Variants in PTPRD observed in about 807,000 individuals in gnomAD.
The protein encoded by PTPRD is protein tyrosine phosphatase receptor type D.
In PTPRD, 34 loss-of-function variants were observed where a neutral mutation model predicts 214.5. That is an observed-to-expected ratio of 0.16 (90% CI 0.12 to 0.21). The LOEUF is 0.21. Ranked by LOEUF, PTPRD falls within the 10% of genes least tolerant of loss-of-function variation. PTPRD has a pLI of 1.00. For synonymous variants in PTPRD, 1,128 were observed against 845.7 expected (o/e 1.33, Z -5.79); for missense variants, 2,545 against 2,398.7 (o/e 1.06, Z -1.27).
At chr9:8,878,310 C>A (rs1013203671) in intron 11 of PTPRD, among the ~76,000 whole-genome samples, 1 of 152,054 alleles carries the variant, frequency 6.6e-6, no homozygotes, top group Non-Finnish European at 1.5e-5. Flanking sequence ...AATAAAATGA[C>A]TACTGTACCC....
intron 5 of PTPRD, among the ~76,000 whole-genome samples, chr9:9,780,124 G>T (rs1328576050): frequency 6.6e-6 from 1 of 152,184 alleles, no homozygotes; most frequent in Non-Finnish European, 1.5e-5. Flanking sequence ...TATGGATGGA[G>T]CTGGAGACCA....
At chr9:9,627,448 G>A (rs2095458020) in intron 7 of PTPRD, among the ~76,000 whole-genome samples, 1 of 152,170 alleles carries the variant, frequency 6.6e-6, no homozygotes. Flanking sequence ...AGAGATCAAT[G>A]AATCAATTTG....
chr9:9,190,808 TAAGTCACAAAG>T (rs1411362057), intron 9 of PTPRD, among the ~76,000 whole-genome samples: 1 of 152,132 alleles, frequency 6.6e-6, no homozygotes, highest in African/African-American at 2.4e-5. Context: ...TATGTTATTC[TAAGTCACAAAG>T]ATTTTAGAGT....
In PTPRD at chr9:8,974,580, C is replaced by T. The variant is rs2099257461; in HGVS notation, c.-104+44117G>A. On this transcript the variant is annotated intron_variant, in intron 11 of 45. Transcript: ENST00000381196. The stretch of plus-strand genomic sequence containing the variant: ...GCTATTTTCAGGATGGCATCTGTTG[C>T]CATCAGTAGAGGAATGGCCATTTCC... Among the ~76,000 whole-genome samples the T allele has an allele frequency of 2.0e-5, 3 of 151,908 alleles. No homozygotes were observed. In the South Asian group the frequency reaches 6.2e-4, roughly 32 times the overall value.
chr9:10,365,201 A>G (rs993511074), intron 2 of PTPRD, among the ~76,000 whole-genome samples: 23 of 152,306 alleles, frequency 1.5e-4, no homozygotes, highest in Admixed American at 4.6e-4. Context: ...CTCCTCAGAC[A>G]GGCTTTTTAA....
chr9:9,940,767 T>C (rs2091233013), intron 4 of PTPRD, among the ~76,000 whole-genome samples: 2 of 152,204 alleles, frequency 1.3e-5, no homozygotes, highest in African/African-American at 4.8e-5. Context: ...TTCTGCACTT[T>C]CGTAAGGGTT....
intron 4 of PTPRD, among the ~76,000 whole-genome samples, chr9:9,970,332 C>A (rs1392976412): frequency 6.6e-6 from 1 of 151,022 alleles, no homozygotes; most frequent in Non-Finnish European, 1.5e-5. Flanking sequence ...CACCTGTAGT[C>A]CCAGCTACTC....
At chr9:8,719,165 C>T (rs1047389352) in intron 12 of PTPRD, among the ~76,000 whole-genome samples, 2 of 152,130 alleles carry the variant, frequency 1.3e-5, no homozygotes, top group African/African-American at 4.8e-5. Flanking sequence ...GTCAGGCACA[C>T]CGTGCAATGA....
rs559535751 is a variant in PTPRD at position 9,097,924 on chromosome 9, G to A, written c.-142-79189C>T. Among the ~76,000 whole-genome samples, 74 of 152,164 alleles carry A rather than the reference G, an allele frequency of 4.9e-4. No homozygotes were observed. The Middle Eastern group carries it at 0.014, about 28-fold the overall frequency. ...CAATAAAGATGTTTCCCTTTGGCTC[G>A]TCTGGCAGGCATGCTTGCTGACCAT... On this transcript the variant is annotated intron_variant, in intron 10 of 45. Transcript: ENST00000381196.
chr9:8,318,123 G>C (rs554838202), intron 45 of PTPRD, among the ~76,000 whole-genome samples, 181 bp from the exon 46 acceptor site: 9 of 152,094 alleles, frequency 5.9e-5, no homozygotes, highest in Middle Eastern at 3.4e-3. Context: ...AAGCCACATG[G>C]GGTGTTGATT....
chr9:9,525,297 A>C (rs1440124510), intron 8 of PTPRD, among the ~76,000 whole-genome samples: 1 of 152,190 alleles, frequency 6.6e-6, no homozygotes, highest in Non-Finnish European at 1.5e-5. Flanking sequence ...TATTCTTGCC[A>C]CTAATCACAA....
chr9:8,495,413 C>T (rs902589742), intron 26 of PTPRD, among the ~76,000 whole-genome samples: 1 of 152,182 alleles, frequency 6.6e-6, no homozygotes, highest in African/African-American at 2.4e-5. Flanking sequence ...ATTTTTATCA[C>T]TTCATGACTA....
chr9:9,101,131 A>G (rs948466244), intron 10 of PTPRD, among the ~76,000 whole-genome samples: 3 of 151,976 alleles, frequency 2.0e-5, no homozygotes, highest in African/African-American at 7.2e-5. Flanking sequence ...AGAGCAGGAG[A>G]CCAGAAGCTT....
intron 11 of PTPRD, among the ~76,000 whole-genome samples, chr9:8,846,550 G>A (rs1394848522): frequency 6.6e-6 from 1 of 152,128 alleles, no homozygotes; most frequent in East Asian, 1.9e-4. Flanking sequence ...AAATTTTCTA[G>A]GAAGAGTTGT....
At chr9:8,911,264 GAA>G (rs1176467296) in intron 11 of PTPRD, among the ~76,000 whole-genome samples, 2 of 152,150 alleles carry the variant, frequency 1.3e-5, no homozygotes, top group Non-Finnish European at 2.9e-5. Context: ...CATTAGAACC[GAA>G]GTGAGACTCC....
rs116190973 is a variant in PTPRD, at chr9:8,649,048, C to T, written c.65-12204G>A. ...GCTTATTTGAAAAGGAACATGAGAG[C>T]GGATAAAACTGAAGTGGGAAAGAAA... is the stretch of plus-strand genomic sequence containing the variant. On this transcript the variant is annotated intron_variant, in intron 12 of 45. Transcript: ENST00000381196. Among the ~76,000 whole-genome samples, 523 of 152,196 alleles carry T rather than the reference C, an allele frequency of 3.4e-3. 2 individuals carry two copies. The highest frequency in any genetic ancestry group is 0.012 in the African/African-American group (503 of 41,534).
At chr9:9,165,012 A>C (rs751146031) in intron 10 of PTPRD, among the ~76,000 whole-genome samples, 194 of 149,852 alleles carry the variant, frequency 1.3e-3, no homozygotes, top group Middle Eastern at 3.5e-3. Context: ...AGATCATGCC[A>C]CTGCACTCCA....
chr9:9,451,390 A>G (rs2092129753), intron 8 of PTPRD, among the ~76,000 whole-genome samples: 1 of 151,870 alleles, frequency 6.6e-6, no homozygotes, highest in East Asian at 1.9e-4. Flanking sequence ...CAAAATTTTA[A>G]TAACAAGAAT....
chr9:10,189,553 A>G (rs1593585388), intron 3 of PTPRD, among the ~76,000 whole-genome samples: 1 of 152,288 alleles, frequency 6.6e-6, no homozygotes, highest in East Asian at 1.9e-4. Flanking sequence ...CTATTATAAT[A>G]TCACTTTTAA....
Sources: gnomAD v4.1 joint callset for allele counts (sites outside exome capture counted in the v4.1 genomes callset) on GRCh38, gnomAD v4.1.1 for gene constraint, MANE v1.5 for transcripts, NCBI Gene and HGNC (gene_info 2026-07-23, HGNC 2026-07-21) for gene names.